Variants in MINK1 observed in about 807,000 individuals in gnomAD.
MINK1 encodes misshapen-like kinase 1.
A neutral mutation model predicts 178.4 loss-of-function variants in MINK1; 46 were observed. The ratio of observed to expected loss-of-function variants is 0.26; its 90% confidence interval spans 0.20 to 0.33. MINK1 has a LOEUF of 0.33. Among genes scored for constraint, MINK1 ranks in the 10% least tolerant of loss-of-function variants. The pLI, the probability that MINK1 is intolerant of heterozygous loss-of-function variation, is 1.00. For synonymous variants in MINK1, 797 were observed against 709.7 expected (o/e 1.12, Z -1.96); for missense variants, 1,366 against 1,814.9 (o/e 0.75, Z 4.49).
At chr17:4,889,556 G>T in intron 12 of MINK1, 91 bp from the exon 13 acceptor site, 2 of 1,098,554 alleles carry the variant, frequency 1.8e-6, no homozygotes, top group Non-Finnish European at 2.7e-6. Flanking sequence ...CCTCCGTGGT[G>T]AGCAAGGAGG....
intron 20 of MINK1, 80 bp from the exon 21 acceptor site, chr17:4,893,354 G>C (rs750575472): frequency 6.2e-7 from 1 of 1,612,620 alleles, no homozygotes; most frequent in Non-Finnish European, 8.5e-7. Flanking sequence ...CTGTCGCCCT[G>C]CTGGGGTGTC....
chr17:4,893,593 GGCC>G lies in MINK1; in HGVS notation c.2562_2564del (p.Arg855del). The G allele has an allele frequency of 2.0e-6, 3 of 1,533,674 alleles. No homozygotes were observed. The highest frequency in any genetic ancestry group is 2.6e-6 in the Non-Finnish European group (3 of 1,137,416). On this transcript the variant is annotated inframe_deletion and splice_region_variant, in exon 21 of 32. Transcript: ENST00000355280. ...AGAGGGGAGCAGAGATACCCCTGGG[GGCC>G]GGTACGGCATCGGGAGTGGGGCCCT...
At chr17:4,865,075 C>T (rs1352207531) in intron 1 of MINK1, among the ~76,000 whole-genome samples, 2 of 152,098 alleles carry the variant, frequency 1.3e-5, no homozygotes, top group African/African-American at 2.4e-5. Context: ...TCACTCCATA[C>T]GTTTTTATTT....
chr17:4,897,085 C>T (rs1164578977), intron 31 of MINK1, 119 bp from the exon 32 acceptor site: 3 of 935,494 alleles, frequency 3.2e-6, no homozygotes, highest in Admixed American at 4.3e-5. Flanking sequence ...GAGTCTCCTC[C>T]TGCAGTCTCT....
At position 4,896,678 on chromosome 17, in the gene MINK1, C is replaced by T. The variant is rs766977444; in HGVS notation, c.3780C>T (p.Tyr1260=). 6 of 1,601,810 alleles carry T rather than the reference C, an allele frequency of 3.7e-6. No individual in the cohort carries two copies. Among genetic ancestry groups the T allele is most frequent in the Admixed American group, 3.4e-5 (2 of 59,150 alleles). The change falls in exon 31 of 32, where the codon TAC becomes TAT. Residue 1260 remains tyrosine (Y), a synonymous_variant. Coordinates refer to ENST00000355280, the MANE Select transcript of MINK1 (RefSeq NM_153827.5). The surrounding 1 kb of genome is among the most constrained non-coding windows in gnomAD (Gnocchi z 4.6). ...CCCCTCACCTGTTCCCCACAGCCTA[C>T]ATCTGCTCCAACCAGATAATGGGCT... ...QWGEMPTSVA[Y]ICSNQIMGWG... is the part of the protein sequence containing the mutation.
chr17:4,891,068 C>T lies in MINK1; in HGVS notation c.1684C>T (p.Leu562Phe). The T allele has an allele frequency of 1.3e-6, 2 of 1,553,600 alleles. No individual in the cohort carries two copies. Among genetic ancestry groups the T allele is most frequent in the Non-Finnish European group, 1.7e-6 (2 of 1,148,824 alleles). The change falls in exon 15 of 32, where the codon CTT (leucine) becomes TTT (phenylalanine). Residue 562 changes from leucine (L) to phenylalanine (F), a missense_variant. By Grantham distance (22) the Leu-to-Phe change is conservative. Transcript: ENST00000355280. ...GGCCTCCCCAGGGCCCCCAGGACCC[C>T]TTTCCCAGACTCCTCCTATGCAGAG... The part of the protein sequence containing the change: ...PQASPGPPGP[L>F]SQTPPMQRPV...
At chr17:4,893,653 T>C in intron 21 of MINK1, 56 bp downstream of exon 21, 1 of 1,488,588 alleles carries the variant, frequency 6.7e-7, no homozygotes. Flanking sequence ...GGAGGGGAAG[T>C]GGCAGTGGGG....
rs79061410 is a variant in MINK1 at position 4,865,942 on chromosome 17, G to A, written c.58-12375G>A. Among the ~76,000 whole-genome samples the A allele has an allele frequency of 8.3e-3, 1,270 of 152,142 alleles. 18 individuals carry two copies. Among genetic ancestry groups the A allele is most frequent in the African/African-American group, 0.029 (1,207 of 41,550 alleles). Reference sequence around the variant, plus strand: ...TTGTGTCATCTGAGATGCAACGAAAGAAAGAAAGAAAACAAAGACATACCA... The same window carrying A: ...TTGTGTCATCTGAGATGCAACGAAAAAAAGAAAGAAAACAAAGACATACCA... On this transcript the variant is annotated intron_variant, in intron 1 of 31. Transcript: ENST00000355280.
chr17:4,845,687 G>A (rs1421682998), intron 1 of MINK1, among the ~76,000 whole-genome samples: 1 of 151,708 alleles, frequency 6.6e-6, no homozygotes, highest in East Asian at 1.9e-4. Flanking sequence ...CCAGGCTGGA[G>A]TGCGGTGGCA....
rs759850993 is a variant in MINK1, at chr17:4,895,783, G to A, written c.3315G>A (p.Gln1105=). ...LHNDPEVEKK[Q]GWTTVGDMEG... ...ATGACCCAGAAGTGGAGAAGAAGCA[G>A]GGCTGGACCACCGTGGGGGACATGG... The change falls in exon 27 of 32, where the codon CAG becomes CAA. Residue 1105 remains glutamine, a synonymous_variant. Coordinates refer to ENST00000355280, the MANE Select transcript of MINK1 (RefSeq NM_153827.5). The surrounding 1 kb of genome is among the most constrained non-coding windows in gnomAD (Gnocchi z 4.3). The A allele has an allele frequency of 6.2e-7, 1 of 1,613,808 alleles. No individual in the cohort carries two copies. The highest frequency in any genetic ancestry group is 2.2e-5 in the East Asian group (1 of 44,886).
Position 4,894,360 on chromosome 17 carries a change from G to A in MINK1, c.2808+49G>A, listed in dbSNP as rs754015576. The A allele has an allele frequency of 2.5e-6, 4 of 1,589,204 alleles. No homozygotes were observed. The highest frequency in any genetic ancestry group is 3.6e-5 in the Admixed American group (2 of 55,680). The stretch of plus-strand genomic sequence containing the variant: ...GCCGGGAGAGAAGAGCCCTGGCGAT[G>A]GGCAGGAGGTCCCGGTGCTGGGTAA... On this transcript the variant is annotated intron_variant, in intron 23 of 31. Transcript: ENST00000355280. This position sits in a 1 kb window ranked among gnomAD's most constrained non-coding sequence, Gnocchi z 4.1.
intron 1 of MINK1, among the ~76,000 whole-genome samples, chr17:4,848,865 G>T (rs530200853): frequency 6.6e-6 from 1 of 152,240 alleles, no homozygotes; most frequent in East Asian, 1.9e-4. Context: ...GATGTTGAGA[G>T]GATTAAATAA....
At position 4,878,235 on chromosome 17, in the gene MINK1, C is replaced by T. The variant is rs1217559398; in HGVS notation, c.58-82C>T. ...GCTGGTCTTCACTCCCATATCTTGACTGGATACCACTTTACCCCCCTCTAG... is the reference window on the plus strand; with the variant it reads ...GCTGGTCTTCACTCCCATATCTTGATTGGATACCACTTTACCCCCCTCTAG... On this transcript the variant is annotated intron_variant, in intron 1 of 31. Coordinates refer to ENST00000355280, the MANE Select transcript of MINK1 (RefSeq NM_153827.5). 12 of 1,290,936 alleles carry T rather than the reference C, an allele frequency of 9.3e-6. No individual in the cohort carries two copies. In the Admixed American group the frequency reaches 1.6e-4, roughly 17 times the overall value. The allele number at this position is 1,290,936 out of a possible 1,614,324, so 80.0% of individuals were successfully genotyped here.
In MINK1 at chr17:4,893,616, G is replaced by T. The variant is rs1275125675; in HGVS notation, c.2564+19G>T. On this transcript the variant is annotated intron_variant, in intron 21 of 31. Transcript: ENST00000355280. ...GGGGCCGGTACGGCATCGGGAGTGG[G>T]GCCCTCCCACTCCAAGGCACAGGGA... The T allele has an allele frequency of 6.6e-7, 1 of 1,516,470 alleles. No individual in the cohort carries two copies. Among genetic ancestry groups the T allele is most frequent in the Non-Finnish European group, 8.8e-7 (1 of 1,130,998 alleles). 93.9% of individuals were successfully genotyped at this position (1,516,470 alleles called of 1,614,324 possible).
chr17:4,874,764 A>G (rs1967026791), intron 1 of MINK1, among the ~76,000 whole-genome samples: 1 of 152,106 alleles, frequency 6.6e-6, no homozygotes, highest in South Asian at 2.1e-4. Flanking sequence ...GCTTCTCTGA[A>G]TCACCCTTTC....
rs200245118 is a variant in MINK1 at position 4,891,507 on chromosome 17, C to A, written c.1792C>A (p.Arg598=). The change falls in exon 16 of 32, where the codon CGA becomes AGA. Residue 598 remains arginine (R), a synonymous_variant. Coordinates refer to ENST00000355280, the MANE Select transcript of MINK1 (RefSeq NM_153827.5). ...GAAGCCATATGCAGCACCTGTACCC[C>A]GATCCCAGTCCCTGCAGGACCAGCC... ...PLKPYAAPVP[R]SQSLQDQPTR... is the part of the protein sequence containing the mutation. 2 of 1,611,184 alleles carry A rather than the reference C, an allele frequency of 1.2e-6. No individual in the cohort carries two copies. The highest frequency in any genetic ancestry group is 1.7e-6 in the Non-Finnish European group (2 of 1,178,488).
chr17:4,859,788 CAAAAA>C (rs397857604), intron 1 of MINK1, among the ~76,000 whole-genome samples: 6 of 51,902 alleles, frequency 1.2e-4, no homozygotes, highest in African/African-American at 5.4e-4. Context: ...AACTCCATCT[CAAAAA>C]AAAAAAAAAA....
At chr17:4,869,115 G>A (rs142969103) in intron 1 of MINK1, among the ~76,000 whole-genome samples, 13,107 of 151,608 alleles carry the variant, frequency 0.086, 645 homozygotes, top group Middle Eastern at 0.13. Context: ...TAGTAGAGAC[G>A]GGGTTTCATC....
intron 1 of MINK1, among the ~76,000 whole-genome samples, chr17:4,837,815 C>T (rs1909540149): frequency 6.6e-6 from 1 of 152,216 alleles, no homozygotes; most frequent in African/African-American, 2.4e-5. Context: ...GGATTGAAAT[C>T]ATAGCATGGA....
Sources: gnomAD v4.1 joint callset for allele counts (sites outside exome capture counted in the v4.1 genomes callset) on GRCh38, gnomAD v4.1.1 for gene constraint, Gnocchi (gnomAD v3.1) non-coding constraint, MANE v1.5 for transcripts, NCBI Gene and HGNC (gene_info 2026-07-23, HGNC 2026-07-21) for gene names.